Variants in PEDS1 observed in about 807,000 individuals in gnomAD.
PEDS1 encodes CarF homolog.
In PEDS1, 14 loss-of-function variants were observed where a neutral mutation model predicts 35.2. The observed-to-expected ratio is 0.40, with a 90% CI of 0.26 to 0.62. PEDS1 has a LOEUF of 0.62. PEDS1 is among the 20% of genes least tolerant of loss of function. The pLI, the probability that PEDS1 is intolerant of heterozygous loss-of-function variation, is 0.44. For synonymous variants in PEDS1, 152 were observed against 152.0 expected, an observed-to-expected ratio of 1.00 and a Z score of 0.00; for missense variants, 260 against 367.8, an observed-to-expected ratio of 0.71 and a Z score of 2.40.
intron 1 of PEDS1, 122 bp downstream of exon 1, chr20:50,153,395 G>A: frequency 8.2e-7 from 1 of 1,225,758 alleles, no homozygotes; most frequent in Non-Finnish European, 1.0e-6. Flanking sequence ...CTTGCTATTT[G>A]CAAGTTAGAC....
rs78946878 is a variant in PEDS1, at chr20:50,152,711, A to C, written c.121+806T>G. On this transcript the variant is annotated intron_variant, in intron 1 of 5. Transcript: ENST00000371652. ...TATGGGGGTTCCAGTCCCAAGTCCT[A>C]AGGAAGGGGCCAATACATGGATGTG... is the stretch of plus-strand genomic sequence containing the variant. 2.6e-5 allele frequency among the ~76,000 whole-genome samples: 4 copies of C among 152,250 alleles called. No individual in the cohort carries two copies. The East Asian group carries it at 7.7e-4, about 29-fold the overall frequency.
intron 2 of PEDS1, among the ~76,000 whole-genome samples, chr20:50,135,975 G>A (rs2081230045): frequency 6.6e-6 from 1 of 152,148 alleles, no homozygotes; most frequent in African/African-American, 2.4e-5. Flanking sequence ...GGCCATGGTT[G>A]GCCATTTGGG....
intron 2 of PEDS1, among the ~76,000 whole-genome samples, chr20:50,139,937 T>C (rs1244767691): frequency 6.6e-6 from 1 of 152,060 alleles, no homozygotes; most frequent in African/African-American, 2.4e-5. Context: ...GACCCCCAGA[T>C]TGCTATTTCC....
At position 50,142,021 on chromosome 20, in the gene PEDS1, T is replaced by G. The variant is rs2081296314; in HGVS notation, c.241+1481A>C. ...GGATGGGGAGGGGAAGGGTGGTGCA[T>G]GGAGAGGAAGGAAACTGAGTCATCC... On this transcript the variant is annotated intron_variant, in intron 2 of 5. Coordinates refer to ENST00000371652, the MANE Select transcript of PEDS1 (RefSeq NM_199129.4). Among the ~76,000 whole-genome samples, 4 of 152,028 alleles carry G rather than the reference T, an allele frequency of 2.6e-5. No homozygotes were observed. In the South Asian group the frequency reaches 8.3e-4, roughly 32 times the overall value.
At chr20:50,132,474 G>A (rs933784060) in intron 2 of PEDS1, among the ~76,000 whole-genome samples, 2 of 152,078 alleles carry the variant, frequency 1.3e-5, no homozygotes, top group South Asian at 2.1e-4. Flanking sequence ...CCTCTGCCTG[G>A]AACATTCTTT....
intron 5 of PEDS1, among the ~76,000 whole-genome samples, chr20:50,127,044 C>A (rs2081113946): frequency 6.6e-6 from 1 of 152,332 alleles, no homozygotes; most frequent in Admixed American, 6.5e-5. Context: ...TCCGGAAACA[C>A]ACCAAGCAAG....
intron 1 of PEDS1, among the ~76,000 whole-genome samples, chr20:50,147,628 C>T (rs1448052891): frequency 6.6e-6 from 1 of 152,190 alleles, no homozygotes; most frequent in East Asian, 1.9e-4. Context: ...CAAAGATGAT[C>T]CAGCTCTCTC....
rs760305189 is a variant in PEDS1, at chr20:50,128,617, A to C, written c.479-430T>G. On this transcript the variant is annotated intron_variant, in intron 4 of 5. Coordinates refer to ENST00000371652, the MANE Select transcript of PEDS1 (RefSeq NM_199129.4). This position sits in a 1 kb window ranked among gnomAD's most constrained non-coding sequence, Gnocchi z 5.2. ...CAGGTTCTTGTGCATGTGATTTATC[A>C]AGGGAGCCTCTTCAGGAAAAAACCT... Among the ~76,000 whole-genome samples, 3 of 152,146 alleles carry C rather than the reference A, an allele frequency of 2.0e-5. No homozygotes were observed. Among genetic ancestry groups the C allele is most frequent in the Non-Finnish European group, 4.4e-5 (3 of 68,028 alleles).
Position 50,124,945 on chromosome 20 carries a change from C to T in PEDS1, c.*113G>A. 1 of 1,472,904 alleles carries T rather than the reference C, an allele frequency of 6.8e-7. No homozygotes were observed. Among genetic ancestry groups the T allele is most frequent in the Non-Finnish European group, 9.3e-7 (1 of 1,077,258 alleles). 91.2% of individuals were successfully genotyped at this position (1,472,904 alleles called of 1,614,324 possible). A position where few individuals can be genotyped will look rare whatever the true frequency, so the allele number is the denominator to read the frequency against. On this transcript the variant is annotated 3_prime_UTR_variant, in exon 6 of 6. Coordinates refer to ENST00000371652, the MANE Select transcript of PEDS1 (RefSeq NM_199129.4). ...TGGGCTGGGGTACCTGGGCCCAGCC[C>T]AGGAGATGTCCTCTCCATCTGGAGG...
At chr20:50,145,457 G>C (rs1038173570) in intron 1 of PEDS1, among the ~76,000 whole-genome samples, 4 of 152,130 alleles carry the variant, frequency 2.6e-5, no homozygotes, top group African/African-American at 9.7e-5. Flanking sequence ...CACCTTGGGA[G>C]GCCGAGGCAG....
intron 5 of PEDS1, among the ~76,000 whole-genome samples, chr20:50,125,764 T>C (rs369323817): frequency 6.6e-6 from 1 of 152,282 alleles, no homozygotes; most frequent in African/African-American, 2.4e-5. Flanking sequence ...AGCTAAGTTT[T>C]GTATTTTTAG....
At position 50,137,139 on chromosome 20, in the gene PEDS1, T is replaced by C. The variant is rs928871065; in HGVS notation, c.242-6192A>G. Among the ~76,000 whole-genome samples, 8 of 152,178 alleles carry C rather than the reference T, an allele frequency of 5.3e-5. No individual in the cohort carries two copies. In the South Asian group the frequency reaches 1.2e-3, roughly 24 times the overall value. ...GGAGTGTGGCGGTGCCATTCACAGCTCACTACAGCCTTGAGCTCCCATGCT... is the reference window on the plus strand; with the variant it reads ...GGAGTGTGGCGGTGCCATTCACAGCCCACTACAGCCTTGAGCTCCCATGCT... On this transcript the variant is annotated intron_variant, in intron 2 of 5. Coordinates refer to ENST00000371652, the MANE Select transcript of PEDS1 (RefSeq NM_199129.4).
chr20:50,127,899 CT>C lies in PEDS1; in HGVS notation c.691+75del, dbSNP rs146308155. 5.7e-3 allele frequency: 8,862 copies of C among 1,549,720 alleles called. 216 individuals carry two copies. Among genetic ancestry groups the C allele is most frequent in the African/African-American group, 0.056 (4,120 of 73,752 alleles). ...GGACTGTGTGACCTCCTGCTGTGAT[CT>C]CTGCCCTCCTGACCTCGAAGATGGT... On this transcript the variant is annotated intron_variant, in intron 5 of 5. Transcript: ENST00000371652.
At chr20:50,125,662 C>T (rs1206937120) in intron 5 of PEDS1, among the ~76,000 whole-genome samples, 2 of 151,956 alleles carry the variant, frequency 1.3e-5, no homozygotes, top group Non-Finnish European at 2.9e-5. Context: ...GGGGCGATCT[C>T]GGCTCACTGC....
In PEDS1 at chr20:50,120,822, G is replaced by C. The variant is rs1271117976; in HGVS notation, c.*4236C>G. ...CCACTGTGTTCCAGCCTGGGTGACA[G>C]AGCAAGACCCCGTCTCCAGGAAAAA... is the stretch of plus-strand genomic sequence containing the variant. On this transcript the variant is annotated 3_prime_UTR_variant, in exon 6 of 6. Transcript: ENST00000371652. 1.3e-5 allele frequency: 2 copies of C among 152,214 alleles called. No individual in the cohort carries two copies. The highest frequency in any genetic ancestry group is 4.8e-5 in the African/African-American group (2 of 41,276). The allele number at this position is 152,214 out of a possible 1,614,324, so 9.4% of individuals were successfully genotyped here.
intron 1 of PEDS1, among the ~76,000 whole-genome samples, chr20:50,147,942 T>C (rs1230407068): frequency 1.3e-5 from 2 of 152,046 alleles, no homozygotes; most frequent in Admixed American, 1.3e-4. Flanking sequence ...TGTAATCTCC[T>C]AGCTACTCGG....
At chr20:50,131,109 A>T in intron 2 of PEDS1, 162 bp from the exon 3 acceptor site, 1 of 1,522,392 alleles carries the variant, frequency 6.6e-7, no homozygotes, top group South Asian at 1.2e-5. Context: ...CCTCAGGCTT[A>T]ACACTCCTCC....
rs561278264 is a variant in PEDS1 at position 50,139,426 on chromosome 20, C to T, written c.241+4076G>A. On this transcript the variant is annotated intron_variant, in intron 2 of 5. Coordinates refer to ENST00000371652, the MANE Select transcript of PEDS1 (RefSeq NM_199129.4). ...TTACTGGCCACCTTGCTGGTCCACT[C>T]GGTGGCTGTTCCCAGTCGACCCCCA... Among the ~76,000 whole-genome samples, 4 of 152,180 alleles carry T rather than the reference C, an allele frequency of 2.6e-5. No individual in the cohort carries two copies. In the South Asian group the frequency reaches 8.3e-4, roughly 32 times the overall value.
chr20:50,118,302 A>G lies in PEDS1; in HGVS notation c.*6756T>C, dbSNP rs1323638447. 1 of 152,232 alleles carries G rather than the reference A, an allele frequency of 6.6e-6. No homozygotes were observed. Among genetic ancestry groups the G allele is most frequent in the Non-Finnish European group, 1.5e-5 (1 of 68,034 alleles). 9.4% of individuals were successfully genotyped at this position (152,232 alleles called of 1,614,324 possible). ...TGAGCATTTGCCATATTCCAGGAACATGGTATTTTGCATATAATAATGTAT... is the reference window on the plus strand; with the variant it reads ...TGAGCATTTGCCATATTCCAGGAACGTGGTATTTTGCATATAATAATGTAT... On this transcript the variant is annotated 3_prime_UTR_variant, in exon 6 of 6. Transcript: ENST00000371652.
Sources: allele counts gnomAD v4.1 joint callset (sites outside exome capture counted in the v4.1 genomes callset), GRCh38; gene constraint gnomAD v4.1.1; non-coding constraint Gnocchi (gnomAD v3.1); transcripts MANE v1.5; gene names NCBI Gene and HGNC (gene_info 2026-07-23, HGNC 2026-07-21).